The following SYNE2 variants were observed in gnomAD, a reference collection of about 807,000 sequenced individuals.
SYNE2 encodes nesprin-2.
A neutral mutation model predicts 856.3 loss-of-function variants in SYNE2; 431 were observed. The ratio of observed to expected loss-of-function variants is 0.50; its 90% CI spans 0.47 to 0.55. The LOEUF (loss-of-function observed/expected upper bound fraction) is 0.55. Among genes scored for constraint, SYNE2 ranks in the 20% least tolerant of loss-of-function variants. The pLI, the probability that SYNE2 is intolerant of heterozygous loss-of-function variation, is 0.00. For missense variants in SYNE2, 8,129 were observed against 8,023.2 expected (o/e 1.01, Z -0.50); for synonymous variants, 2,923 against 2,872.3 (o/e 1.02, Z -0.56).
At chr14:63,961,955 T>C (rs1355466837) in intron 9 of SYNE2, among the ~76,000 whole-genome samples, 2 of 151,988 alleles carry the variant, frequency 1.3e-5, no homozygotes, top group Admixed American at 6.5e-5. Context: ...AACTTTTAGA[T>C]GGGCACTATA....
chr14:63,927,198 G>T (rs2095679823), intron 2 of SYNE2, among the ~76,000 whole-genome samples: 1 of 152,214 alleles, frequency 6.6e-6, no homozygotes, highest in Non-Finnish European at 1.5e-5. Context: ...AGATTGGAAT[G>T]GCGCAGGCAG....
chr14:64,215,333 A>G lies in SYNE2; in HGVS notation c.19381A>G (p.Lys6461Glu). The G allele has an allele frequency of 6.2e-7, 1 of 1,614,130 alleles. No individual in the cohort carries two copies. Among genetic ancestry groups the G allele is most frequent in the Non-Finnish European group, 8.5e-7 (1 of 1,180,024 alleles). The change falls in exon 107 of 116, where the codon AAA becomes GAA. Residue 6461 changes from lysine to glutamate, a missense_variant. Around this residue, in one of 3 missense-constraint regions of SYNE2, gnomAD observed 5,410 missense variants for 5,284.8 expected, o/e 1.02. Coordinates refer to ENST00000555002, the MANE Select transcript of SYNE2 (RefSeq NM_182914.3). ...TGAGGCATATCTTAAAATGACCACAAAAACTTTGAAAGCGTCTTCTGGTAG... is the reference window on the plus strand; with the variant it reads ...TGAGGCATATCTTAAAATGACCACAGAAACTTTGAAAGCGTCTTCTGGTAG... Reference protein sequence around the residue: ...NPEAYLKMTTKTLKASSGKSI... With the variant: ...NPEAYLKMTTETLKASSGKSI...
chr14:63,890,337 A>G (rs997264104), intron 1 of SYNE2, among the ~76,000 whole-genome samples: 2 of 152,120 alleles, frequency 1.3e-5, no homozygotes, highest in Non-Finnish European at 2.9e-5. Context: ...TGCTGGGATT[A>G]CAGGTGTGAG....
At chr14:63,936,518 C>T (rs753487278) in intron 2 of SYNE2, among the ~76,000 whole-genome samples, 2 of 152,034 alleles carry the variant, frequency 1.3e-5, no homozygotes, top group Admixed American at 1.3e-4. Flanking sequence ...CTGTGGATAA[C>T]AGTAGAAAGA....
intron 1 of SYNE2, among the ~76,000 whole-genome samples, chr14:63,882,909 G>C (rs2094897996): frequency 1.3e-5 from 2 of 151,328 alleles, no homozygotes; most frequent in South Asian, 4.2e-4. Flanking sequence ...TTGTTGATAT[G>C]GTTATTATCC....
rs1297940261 is a variant in SYNE2 at position 64,119,428 on chromosome 14, C to T, written c.12842C>T (p.Ala4281Val). The change falls in exon 67 of 116, where the codon GCT becomes GTT. Residue 4281 changes from alanine to valine, a missense_variant and splice_region_variant. Ala to Val is a moderately conservative substitution (Grantham distance 64, BLOSUM62 0). Around this residue, in one of 3 missense-constraint regions of SYNE2, gnomAD observed 5,410 missense variants for 5,284.8 expected, o/e 1.02. Transcript: ENST00000555002. ...TAATTAAATGCTTTTATTTCCTAGG[C>T]TATGCTAACAGAGATTGAGCACAAG... Reference protein sequence around the residue: ...VLEQQLVGCQAMLTEIEHKVA... With the variant: ...VLEQQLVGCQVMLTEIEHKVA... 1.2e-6 allele frequency: 2 copies of T among 1,614,126 alleles called. No individual in the cohort carries two copies. Among genetic ancestry groups the T allele is most frequent in the Admixed American group, 3.3e-5 (2 of 60,018 alleles).
At chr14:63,819,472 T>C (rs1010683981) in intron 1 of SYNE2, among the ~76,000 whole-genome samples, 2 of 151,800 alleles carry the variant, frequency 1.3e-5, no homozygotes, top group Non-Finnish European at 2.9e-5. Flanking sequence ...CCTCAGGTGA[T>C]CTACCTGCCT....
intron 1 of SYNE2, among the ~76,000 whole-genome samples, chr14:63,876,742 T>C (rs531405604): frequency 4.6e-5 from 7 of 152,238 alleles, no homozygotes; most frequent in African/African-American, 1.7e-4. Flanking sequence ...CACCTCAGCC[T>C]CCCAAAGTGC....
rs2097805093 is a variant in SYNE2 at position 64,111,357 on chromosome 14, A to AG, written c.12610-1982dup. Among the ~76,000 whole-genome samples the AG allele has an allele frequency of 3.3e-5, 5 of 152,224 alleles. No individual in the cohort carries two copies. The South Asian group carries it at 1.0e-3, about 31-fold the overall frequency. On this transcript the variant is annotated intron_variant, in intron 65 of 115. Coordinates refer to ENST00000555002, the MANE Select transcript of SYNE2 (RefSeq NM_182914.3). ...GATTGTTCTCTCAAGTGGCAAAAAA[A>AG]GGAAAGGGAATTCCAAAATCTTTGT...
chr14:63,940,526 T>A, intron 2 of SYNE2, 88 bp from the exon 3 acceptor site: 1 of 1,193,744 alleles, frequency 8.4e-7, no homozygotes, highest in East Asian at 2.4e-5. Context: ...GGCACACACC[T>A]AGCGTGACAG....
At chr14:64,056,299 C>T in intron 49 of SYNE2, 33 bp downstream of exon 49, 1 of 1,554,342 alleles carries the variant, frequency 6.4e-7, no homozygotes, top group South Asian at 1.1e-5. Context: ...TCTTTAAGAA[C>T]ATAAAATATT....
Position 64,137,733 on chromosome 14 carries a change from C to T in SYNE2, c.14647-54C>T. ...TTTTAAATGCAGTATTTGTGAATAGCTTGGCAGACTTTATTTTCTAAATAA... is the reference window on the plus strand; with the variant it reads ...TTTTAAATGCAGTATTTGTGAATAGTTTGGCAGACTTTATTTTCTAAATAA... On this transcript the variant is annotated intron_variant, in intron 78 of 115. Coordinates refer to ENST00000555002, the MANE Select transcript of SYNE2 (RefSeq NM_182914.3). 6 of 1,585,830 alleles carry T rather than the reference C, an allele frequency of 3.8e-6. 1 individual carries two copies. In the South Asian group the frequency reaches 6.7e-5, roughly 18 times the overall value.
chr14:63,983,827 G>A lies in SYNE2; in HGVS notation c.2092G>A (p.Val698Ile). Residue 698 changes from valine (V) to isoleucine (I), a missense_variant, in exon 18 of 116, where the codon GTT becomes ATT. Around this residue, in one of 3 missense-constraint regions of SYNE2, gnomAD observed 2,422 missense variants for 2,357.4 expected, o/e 1.03. Coordinates refer to ENST00000555002, the MANE Select transcript of SYNE2 (RefSeq NM_182914.3). ...NILSKEEKAT[V>I]EFSTDMSVEL... ...TCTATCTAAAGAAGAGAAAGCAACT[G>A]TTGAGTTTTCAACAGATATGTCAGT... The A allele has an allele frequency of 6.2e-7, 1 of 1,607,268 alleles. No homozygotes were observed. The highest frequency in any genetic ancestry group is 8.5e-7 in the Non-Finnish European group (1 of 1,174,590).
chr14:64,048,191 A>G (rs1434547691), intron 46 of SYNE2, 36 bp downstream of exon 46: 17 of 1,604,168 alleles, frequency 1.1e-5, no homozygotes, highest in Non-Finnish European at 1.4e-5. Context: ...ACATGATTGC[A>G]TCATTTATCC....
chr14:64,118,577 G>A (rs1287179820), intron 66 of SYNE2, among the ~76,000 whole-genome samples: 1 of 152,102 alleles, frequency 6.6e-6, no homozygotes, highest in Non-Finnish European at 1.5e-5. Flanking sequence ...AGATTAGGAA[G>A]GTAGGCGAGG....
chr14:64,002,411 TC>T (rs1344314342), intron 29 of SYNE2, among the ~76,000 whole-genome samples: 1 of 152,210 alleles, frequency 6.6e-6, no homozygotes, highest in Non-Finnish European at 1.5e-5. Flanking sequence ...TTATTCTAAA[TC>T]CCATCTTAAC....
intron 32 of SYNE2, among the ~76,000 whole-genome samples, chr14:64,014,349 T>C (rs1438024058): frequency 6.6e-6 from 1 of 152,178 alleles, no homozygotes; most frequent in Admixed American, 6.5e-5. Context: ...GAGTCTTTGG[T>C]GAATATAAGT....
At chr14:64,153,639 G>A (rs2098263267) in intron 85 of SYNE2, among the ~76,000 whole-genome samples, 1 of 152,222 alleles carries the variant, frequency 6.6e-6, no homozygotes, top group East Asian at 1.9e-4. Context: ...TACATTGTGT[G>A]AGGTACTGTG....
At position 64,053,168 on chromosome 14, in the gene SYNE2, A is replaced by G. The variant is rs1595161437; in HGVS notation, c.9255A>G (p.Gln3085=). The G allele has an allele frequency of 6.2e-7, 1 of 1,614,170 alleles. No individual in the cohort carries two copies. Among genetic ancestry groups the G allele is most frequent in the Non-Finnish European group, 8.5e-7 (1 of 1,180,020 alleles). ...SSPESRRLNA[Q]ILSQRIEKAK... ...CGGAAAGCAGACGGCTCAATGCCCA[A>G]ATTTTAAGTCAGAGAATTGAGAAAG... The change falls in exon 48 of 116, where the codon CAA becomes CAG. Residue 3085 remains glutamine (Q), a synonymous_variant. Transcript: ENST00000555002.
Sources: gnomAD v4.1 joint callset for allele counts (sites outside exome capture counted in the v4.1 genomes callset) on GRCh38, gnomAD v4.1.1 for gene constraint, gnomAD v4.1.1 regional missense constraint, MANE v1.5 for transcripts, NCBI Gene and HGNC (gene_info 2026-07-23, HGNC 2026-07-21) for gene names.